PELI2: variants seen among roughly 807,000 people sequenced by gnomAD.
PELI2 encodes E3 ubiquitin-protein ligase pellino homolog 2.
Under a neutral mutation model 42.3 loss-of-function variants are expected in PELI2, and 23 were observed. That is an observed-to-expected ratio of 0.54 (90% CI 0.39 to 0.77). The LOEUF is 0.77. Ranked by LOEUF, PELI2 falls within the 30% of genes least tolerant of loss-of-function variation. The pLI is 0.00. For missense variants in PELI2, 463 were observed against 553.2 expected (o/e 0.84, Z 1.64); for synonymous variants, 245 against 212.2 (o/e 1.15, Z -1.34).
chr14:56,263,168 C>T (rs1888778341), intron 2 of PELI2, among the ~76,000 whole-genome samples: 1 of 152,090 alleles, frequency 6.6e-6, no homozygotes, highest in African/African-American at 2.4e-5. Context: ...ACCATGTTGG[C>T]CAGGCTGGTG....
intron 2 of PELI2, among the ~76,000 whole-genome samples, chr14:56,230,132 C>T (rs769807692): frequency 8.5e-5 from 13 of 152,126 alleles, no homozygotes; most frequent in Admixed American, 3.3e-4. Flanking sequence ...GATTGGTGTA[C>T]GTGAAAGTGA....
chr14:56,185,726 A>G (rs941629009), intron 2 of PELI2, among the ~76,000 whole-genome samples: 4 of 152,054 alleles, frequency 2.6e-5, no homozygotes, highest in African/African-American at 9.7e-5. Flanking sequence ...TTTTTCTGTA[A>G]TCTTTTTTTT....
intron 1 of PELI2, among the ~76,000 whole-genome samples, chr14:56,167,374 CTTTT>C (rs1441246796): frequency 2.0e-5 from 3 of 151,994 alleles, no homozygotes; most frequent in South Asian, 2.1e-4. Context: ...ATTCTTCTTT[CTTTT>C]GTCTCCTCTG....
chr14:56,127,933 T>C (rs1661069996), intron 1 of PELI2, among the ~76,000 whole-genome samples: 1 of 152,204 alleles, frequency 6.6e-6, no homozygotes, highest in South Asian at 2.1e-4. Context: ...AATTTTGTTG[T>C]TTTTAAAGCT....
chr14:56,143,105 C>T (rs930297470), intron 1 of PELI2, among the ~76,000 whole-genome samples: 1 of 152,086 alleles, frequency 6.6e-6, no homozygotes, highest in Non-Finnish European at 1.5e-5. Flanking sequence ...GTTGTCATGT[C>T]TCCTTACTCC....
At chr14:56,283,483 T>TAA (rs1889547012) in intron 3 of PELI2, among the ~76,000 whole-genome samples, 1 of 152,202 alleles carries the variant, frequency 6.6e-6, no homozygotes, top group Non-Finnish European at 1.5e-5. Context: ...AAAAGGCAGT[T>TAA]AACGTCTTTG....
At chr14:56,224,827 T>C (rs1252041318) in intron 2 of PELI2, among the ~76,000 whole-genome samples, 1 of 146,042 alleles carries the variant, frequency 6.8e-6, no homozygotes. Flanking sequence ...GAAGTATAGT[T>C]GAATTAAAAT....
At chr14:56,182,449 A>C (rs1885620967) in intron 2 of PELI2, among the ~76,000 whole-genome samples, 1 of 152,198 alleles carries the variant, frequency 6.6e-6, no homozygotes, top group Non-Finnish European at 1.5e-5. Flanking sequence ...ACTGGTGCCT[A>C]ATAGGAAATA....
Position 56,204,984 on chromosome 14 carries a change from C to A in PELI2, c.207+26520C>A, listed in dbSNP as rs370324565. 2.3e-4 allele frequency among the ~76,000 whole-genome samples: 33 copies of A among 146,190 alleles called. No homozygotes were observed. In the East Asian group the frequency reaches 5.4e-3, roughly 24 times the overall value. On this transcript the variant is annotated intron_variant, in intron 2 of 5. Coordinates refer to ENST00000267460, the MANE Select transcript of PELI2 (RefSeq NM_021255.3). ...GGCGGAGGGTGCAGTGAGCCGAGACCATGCCACTGCACCGCAGCCTGGGCG... is the reference window on the plus strand; with the variant it reads ...GGCGGAGGGTGCAGTGAGCCGAGACAATGCCACTGCACCGCAGCCTGGGCG...
At chr14:56,171,953 T>A (rs1453820896) in intron 1 of PELI2, among the ~76,000 whole-genome samples, 1 of 151,512 alleles carries the variant, frequency 6.6e-6, no homozygotes, top group African/African-American at 2.4e-5. Context: ...GAGGCGGAGG[T>A]TGTCGTGAGC....
intron 2 of PELI2, among the ~76,000 whole-genome samples, chr14:56,233,190 A>G (rs1887650109): frequency 6.6e-6 from 1 of 152,232 alleles, no homozygotes; most frequent in Non-Finnish European, 1.5e-5. Context: ...AAGGTAATTT[A>G]TAGATTCAAT....
chr14:56,232,795 A>G (rs1015365193), intron 2 of PELI2, among the ~76,000 whole-genome samples: 6 of 143,710 alleles, frequency 4.2e-5, no homozygotes, highest in South Asian at 2.5e-4. Flanking sequence ...AGGGTATTCA[A>G]TTAGGAAAAG....
intron 1 of PELI2, among the ~76,000 whole-genome samples, chr14:56,145,775 G>T (rs568011209): frequency 2.6e-5 from 4 of 152,154 alleles, no homozygotes; most frequent in Non-Finnish European, 5.9e-5. Flanking sequence ...CTATGAAAGG[G>T]TATATATTCT....
chr14:56,205,840 G>A (rs1886499002), intron 2 of PELI2, among the ~76,000 whole-genome samples: 1 of 152,138 alleles, frequency 6.6e-6, no homozygotes, highest in South Asian at 2.1e-4. Context: ...GAGATAGGAA[G>A]TAATTGGGAG....
intron 2 of PELI2, among the ~76,000 whole-genome samples, chr14:56,199,467 A>G (rs1886252873): frequency 1.3e-5 from 2 of 152,236 alleles, no homozygotes; most frequent in African/African-American, 4.8e-5. Flanking sequence ...CCCCAATGCA[A>G]TGAAAAACTC....
chr14:56,153,520 G>C (rs1317221622), intron 1 of PELI2, among the ~76,000 whole-genome samples: 1 of 152,124 alleles, frequency 6.6e-6, no homozygotes, highest in Non-Finnish European at 1.5e-5. Context: ...TTTTCAGACT[G>C]AAATGTTTTC....
intron 1 of PELI2, among the ~76,000 whole-genome samples, chr14:56,147,697 A>G (rs772599442): frequency 2.6e-5 from 4 of 152,256 alleles, no homozygotes; most frequent in Non-Finnish European, 4.4e-5. Flanking sequence ...CAACATCGTT[A>G]TAATTCTCTG....
rs1211400218 is a variant in PELI2, at chr14:56,172,407, G to T, written c.78-5928G>T. Among the ~76,000 whole-genome samples, 6 of 152,250 alleles carry T rather than the reference G, an allele frequency of 3.9e-5. No individual in the cohort carries two copies. In the East Asian group the frequency reaches 1.2e-3, roughly 29 times the overall value. Reference sequence around the variant, plus strand: ...GAAGTCTCAGAACATCACTTCCTTTGCATGTTGTTAGTAAGCAAACCACTA... The same window carrying T: ...GAAGTCTCAGAACATCACTTCCTTTTCATGTTGTTAGTAAGCAAACCACTA... On this transcript the variant is annotated intron_variant, in intron 1 of 5. Coordinates refer to ENST00000267460, the MANE Select transcript of PELI2 (RefSeq NM_021255.3).
chr14:56,153,861 G>A (rs1049934808), intron 1 of PELI2, among the ~76,000 whole-genome samples: 2 of 152,092 alleles, frequency 1.3e-5, no homozygotes, highest in African/African-American at 4.8e-5. Flanking sequence ...TTAACAATTT[G>A]GGTGCATGGT....
Sources: allele counts gnomAD v4.1 joint callset (sites outside exome capture counted in the v4.1 genomes callset), GRCh38; gene constraint gnomAD v4.1.1; transcripts MANE v1.5; gene names NCBI Gene and HGNC (gene_info 2026-07-23, HGNC 2026-07-21).